The following B3GALT1 variants were observed in gnomAD, a reference collection of about 807,000 sequenced individuals.
B3GALT1 encodes the protein beta-1,3-galactosyltransferase 1.
A neutral mutation model predicts 23.2 loss-of-function variants in B3GALT1; 10 were observed. The observed-to-expected ratio is 0.43, with a 90% CI of 0.27 to 0.73. B3GALT1 has a LOEUF of 0.73. Among genes scored for constraint, B3GALT1 ranks in the 30% least tolerant of loss-of-function variants. The probability of loss-of-function intolerance (pLI) is 0.21; values close to 1 mark genes in which losing one functional copy is unlikely to be tolerated. For missense variants in B3GALT1, 299 were observed against 405.4 expected (o/e 0.74, Z 2.25); for synonymous variants, 156 against 141.5 (o/e 1.10, Z -0.73).
intron 3 of B3GALT1, among the ~76,000 whole-genome samples, chr2:167,718,314 C>T (rs932313512): frequency 3.9e-5 from 6 of 152,028 alleles, no homozygotes; most frequent in African/African-American, 1.2e-4. Context: ...TTTCAAACCT[C>T]TCTTATGATT....
At position 167,415,160 on chromosome 2, in the gene B3GALT1, C is replaced by A. The variant is rs116086722; in HGVS notation, c.-510-75017C>A. Among the ~76,000 whole-genome samples, 774 of 152,284 alleles carry A rather than the reference C, an allele frequency of 5.1e-3. 8 individuals carry two copies. Among genetic ancestry groups the A allele is most frequent in the African/African-American group, 0.018 (740 of 41,566 alleles). On this transcript the variant is annotated intron_variant, in intron 1 of 4. Transcript: ENST00000392690. ...TTAATCCCCATTGTGGCAGTACTGA[C>A]AAGTGGGGCCTTGAAGAAGTCATTG...
intron 1 of B3GALT1, among the ~76,000 whole-genome samples, chr2:167,378,598 G>A (rs1016707839): frequency 2.0e-5 from 3 of 151,698 alleles, no homozygotes; most frequent in Admixed American, 6.6e-5. Flanking sequence ...TCTTTCTTCT[G>A]CTTGGTCAAG....
At chr2:167,477,024 A>G (rs925922916) in intron 1 of B3GALT1, among the ~76,000 whole-genome samples, 3 of 152,210 alleles carry the variant, frequency 2.0e-5, no homozygotes, top group African/African-American at 7.2e-5. Flanking sequence ...GTTTTCATCA[A>G]TTATTCAAGC....
At chr2:167,536,631 A>G (rs1683431921) in intron 2 of B3GALT1, among the ~76,000 whole-genome samples, 1 of 152,186 alleles carries the variant, frequency 6.6e-6, no homozygotes, top group Non-Finnish European at 1.5e-5. Context: ...ATAAAGATAT[A>G]TTTGTGTGTT....
intron 2 of B3GALT1, among the ~76,000 whole-genome samples, chr2:167,574,746 A>G (rs1218946660): frequency 2.0e-5 from 3 of 151,800 alleles, no homozygotes; most frequent in East Asian, 1.9e-4. Flanking sequence ...TAAAATTAGA[A>G]TATGAATTAA....
At chr2:167,614,077 T>G (rs918811852) in intron 2 of B3GALT1, among the ~76,000 whole-genome samples, 1 of 151,784 alleles carries the variant, frequency 6.6e-6, no homozygotes, top group East Asian at 1.9e-4. Flanking sequence ...TAAATAAATG[T>G]ATACATATTG....
chr2:167,518,787 C>G (rs1700140518), intron 2 of B3GALT1, among the ~76,000 whole-genome samples: 1 of 152,190 alleles, frequency 6.6e-6, no homozygotes, highest in Non-Finnish European at 1.5e-5. Context: ...ACTTTCCTTA[C>G]AACCTTAAAC....
chr2:167,710,607 G>T (rs1687033213), intron 3 of B3GALT1, among the ~76,000 whole-genome samples: 1 of 152,202 alleles, frequency 6.6e-6, no homozygotes, highest in African/African-American at 2.4e-5. Context: ...TGTCTAAAAG[G>T]AAATGCATAT....
intron 4 of B3GALT1, among the ~76,000 whole-genome samples, chr2:167,820,799 C>T (rs1357340439): frequency 1.3e-5 from 2 of 152,238 alleles, no homozygotes; most frequent in East Asian, 3.8e-4. Flanking sequence ...GCCATTATGG[C>T]TGGATTACAG....
intron 2 of B3GALT1, among the ~76,000 whole-genome samples, chr2:167,546,355 G>C (rs1683635726): frequency 2.0e-5 from 3 of 152,210 alleles, no homozygotes; most frequent in Non-Finnish European, 4.4e-5. Flanking sequence ...CCATGTGGCT[G>C]ATCTTTAGTC....
chr2:167,659,641 A>T (rs1348322781), intron 3 of B3GALT1, among the ~76,000 whole-genome samples: 1 of 152,064 alleles, frequency 6.6e-6, no homozygotes, highest in Non-Finnish European at 1.5e-5. Flanking sequence ...TTCATGCTTC[A>T]TGATAAAGCC....
At chr2:167,569,172 GTTC>G (rs1684240606) in intron 2 of B3GALT1, among the ~76,000 whole-genome samples, 1 of 151,638 alleles carries the variant, frequency 6.6e-6, no homozygotes, top group Admixed American at 6.6e-5. Flanking sequence ...CTCCAACTTT[GTTC>G]TTCTTCAGTA....
At chr2:167,498,102 G>T (rs953324852) in intron 2 of B3GALT1, among the ~76,000 whole-genome samples, 1 of 151,928 alleles carries the variant, frequency 6.6e-6, no homozygotes, top group East Asian at 1.9e-4. Context: ...ACAAAGCCCA[G>T]TACTGACATG....
At chr2:167,684,554 A>G (rs1324750998) in intron 3 of B3GALT1, among the ~76,000 whole-genome samples, 1 of 152,214 alleles carries the variant, frequency 6.6e-6, no homozygotes, top group Non-Finnish European at 1.5e-5. Flanking sequence ...CCATGAGTCC[A>G]AAAAGATAGT....
intron 2 of B3GALT1, among the ~76,000 whole-genome samples, chr2:167,555,808 G>C (rs77138632): frequency 0.016 from 2,406 of 152,234 alleles, 90 homozygotes; most frequent in East Asian, 0.15. Context: ...TTTCCTTGGG[G>C]AATGCACTAA....
intron 3 of B3GALT1, among the ~76,000 whole-genome samples, chr2:167,661,822 C>T (rs1331439850): frequency 6.6e-6 from 1 of 151,814 alleles, no homozygotes; most frequent in African/African-American, 2.4e-5. Context: ...ATAGAAAAAC[C>T]ATAAAAGCAG....
At chr2:167,860,371 G>C (rs1690074437) in intron 4 of B3GALT1, among the ~76,000 whole-genome samples, 1 of 152,014 alleles carries the variant, frequency 6.6e-6, no homozygotes, top group Admixed American at 6.6e-5. Flanking sequence ...CTTTCTCTCT[G>C]TCTCTCTCGT....
intron 2 of B3GALT1, among the ~76,000 whole-genome samples, chr2:167,553,613 A>G (rs1488544766): frequency 1.3e-5 from 2 of 152,084 alleles, no homozygotes; most frequent in African/African-American, 2.4e-5. Flanking sequence ...TGAGCCCTCC[A>G]TTTCATCTAT....
chr2:167,303,467 G>T (rs374117346), intron 1 of B3GALT1, among the ~76,000 whole-genome samples: 1 of 152,020 alleles, frequency 6.6e-6, no homozygotes, highest in African/African-American at 2.4e-5. Flanking sequence ...GGGTATGTCT[G>T]GGAGAATACC....
Sources: allele counts gnomAD v4.1 joint callset (sites outside exome capture counted in the v4.1 genomes callset), GRCh38; gene constraint gnomAD v4.1.1; transcripts MANE v1.5; gene names NCBI Gene and HGNC (gene_info 2026-07-23, HGNC 2026-07-21).